HECW1: variants seen among roughly 807,000 people sequenced by gnomAD.
The protein encoded by HECW1 is E3 ubiquitin-protein ligase HECW1.
HECW1 carries 61 observed loss-of-function variants against 182.3 expected under a neutral mutation model. The ratio of observed to expected loss-of-function variants is 0.33; its 90% CI spans 0.27 to 0.41. The LOEUF is 0.41. Ranked by LOEUF, HECW1 falls within the 10% of genes least tolerant of loss-of-function variation. The pLI is 1.00. For missense variants in HECW1, 1,739 were observed against 2,108.9 expected (o/e 0.82, Z 3.44); for synonymous variants, 859 against 832.6 (o/e 1.03, Z -0.55).
At chr7:43,467,613 G>A (rs955248162) in intron 15 of HECW1, among the ~76,000 whole-genome samples, 4 of 152,048 alleles carry the variant, frequency 2.6e-5, no homozygotes, top group Admixed American at 6.6e-5. Flanking sequence ...AGCTGAGGGG[G>A]TTAAGACACA....
At chr7:43,333,161 T>A (rs546237060) in intron 5 of HECW1, among the ~76,000 whole-genome samples, 5 of 152,336 alleles carry the variant, frequency 3.3e-5, no homozygotes, top group Non-Finnish European at 7.4e-5. Flanking sequence ...CTTACCTCCC[T>A]GGTATGATAG....
intron 2 of HECW1, among the ~76,000 whole-genome samples, chr7:43,169,238 CG>C (rs1791434355): frequency 1.3e-5 from 2 of 152,252 alleles, no homozygotes; most frequent in South Asian, 4.1e-4. Context: ...AGATGAGATC[CG>C]GAAGTTCAGG....
chr7:43,232,659 A>G (rs1256928921), intron 2 of HECW1, among the ~76,000 whole-genome samples: 1 of 152,166 alleles, frequency 6.6e-6, no homozygotes, highest in Non-Finnish European at 1.5e-5. Flanking sequence ...GGGATGGTGA[A>G]ACTCATGATA....
intron 3 of HECW1, among the ~76,000 whole-genome samples, chr7:43,308,078 A>T (rs1219573116): frequency 1.4e-4 from 15 of 108,154 alleles, no homozygotes; most frequent in East Asian, 2.2e-4. Flanking sequence ...TATAAATATA[A>T]TATATTATAT....
Position 43,494,625 on chromosome 7 carries a change from T to A in HECW1, c.3437+1445T>A, listed in dbSNP as rs567914140. Among the ~76,000 whole-genome samples the A allele has an allele frequency of 1.2e-3, 186 of 152,124 alleles. 1 individual carries two copies. The highest frequency in any genetic ancestry group is 2.2e-3 in the Non-Finnish European group (149 of 67,988). On this transcript the variant is annotated intron_variant, in intron 19 of 29. Transcript: ENST00000395891. ...TTCAAGCAATTCCTGAGCCTCAACC[T>A]GACAAGTAACTGGGACTACAGGCAT...
At chr7:43,189,033 TCTTACA>T (rs1793658366) in intron 2 of HECW1, among the ~76,000 whole-genome samples, 1 of 152,220 alleles carries the variant, frequency 6.6e-6, no homozygotes, top group African/African-American at 2.4e-5. Context: ...ACTCGGCTAA[TCTTACA>T]CTCGTTCGCT....
rs1457053346 is a variant in HECW1, at chr7:43,426,958, T to C, written c.802-11045T>C. ...TATATAGAGAGAACAACCATAGTTT[T>C]TTTATATCTCTACTATCTCTTTTTA... On this transcript the variant is annotated intron_variant, in intron 8 of 29. Transcript: ENST00000395891. 2.6e-5 allele frequency among the ~76,000 whole-genome samples: 4 copies of C among 152,286 alleles called. No homozygotes were observed. In the East Asian group the frequency reaches 7.7e-4, roughly 29 times the overall value.
intron 9 of HECW1, among the ~76,000 whole-genome samples, chr7:43,442,041 T>G (rs948963313): frequency 2.0e-5 from 3 of 152,220 alleles, no homozygotes; most frequent in African/African-American, 7.2e-5. Context: ...ACACGATACT[T>G]TCGTGAAGCT....
At chr7:43,225,279 T>C (rs1797326563) in intron 2 of HECW1, among the ~76,000 whole-genome samples, 1 of 151,454 alleles carries the variant, frequency 6.6e-6, no homozygotes, top group Non-Finnish European at 1.5e-5. Flanking sequence ...CTGGAAAGAG[T>C]GTAAAAATAG....
In HECW1 at chr7:43,306,784, TA is replaced by T. The variant is rs1000118457; in HGVS notation, c.28-4969del. Among the ~76,000 whole-genome samples the T allele has an allele frequency of 7.7e-3, 1,149 of 150,184 alleles. 18 individuals are homozygous for T. Among genetic ancestry groups the T allele is most frequent in the African/African-American group, 0.026 (1,064 of 41,030 alleles). On this transcript the variant is annotated intron_variant, in intron 3 of 29. Transcript: ENST00000395891. ...GCAGAATCTTTTGTCTCCAGGTTCT[TA>T]AAAAAAAAATCCATGCATAATAACA...
chr7:43,140,124 A>ATT (rs57771277), intron 2 of HECW1, among the ~76,000 whole-genome samples: 2 of 151,876 alleles, frequency 1.3e-5, no homozygotes, highest in African/African-American at 2.4e-5. Flanking sequence ...TTTGTTTCAT[A>ATT]TTTTTTCCCC....
Position 43,209,894 on chromosome 7 carries a change from C to T in HECW1, c.-31-33981C>T, listed in dbSNP as rs528093863. On this transcript the variant is annotated intron_variant, in intron 2 of 29. Transcript: ENST00000395891. ...TGGCGTTCACCCCGAGGTCATCTGC[C>T]GTGCCCAGTCCCACAGCATCTCTAC... is the stretch of plus-strand genomic sequence containing the variant. 6.6e-5 allele frequency among the ~76,000 whole-genome samples: 10 copies of T among 152,214 alleles called. No individual in the cohort carries two copies. The South Asian group carries it at 1.0e-3, about 16-fold the overall frequency.
chr7:43,483,767 T>A (rs899994526), intron 17 of HECW1, among the ~76,000 whole-genome samples: 2 of 152,066 alleles, frequency 1.3e-5, no homozygotes, highest in African/African-American at 4.8e-5. Flanking sequence ...CAGACTGGTC[T>A]CGAACTCTTG....
At chr7:43,285,019 G>A (rs982357961) in intron 3 of HECW1, among the ~76,000 whole-genome samples, 1 of 142,228 alleles carries the variant, frequency 7.0e-6, no homozygotes, top group Non-Finnish European at 1.5e-5. Flanking sequence ...TTTGCTTTAA[G>A]GTTCTCATAT....
Position 43,243,928 on chromosome 7 carries a change from T to G in HECW1, c.23T>G (p.Val8Gly). Residue 8 changes from valine (V) to glycine (G), a missense_variant, in exon 3 of 30, where the codon GTG becomes GGG. By Grantham distance (109) the Val-to-Gly change is moderately radical (BLOSUM62 -3). This residue lies in a region of HECW1 where 279 missense variants were observed against 353.1 expected (regional missense o/e 0.79). Transcript: ENST00000395891. The surrounding 1 kb of genome is among the most constrained non-coding windows in gnomAD (Gnocchi z 4.0). ...ATTATGCTGCTGCACCTGTGTAGTG[T>G]GAAGGTCAGTGTGCTTTTCTGATTA... MLLHLCS[V>G]KNLYQNRFLG... 6.2e-7 allele frequency: 1 copy of G among 1,608,720 alleles called. No homozygotes were observed.
Position 43,131,037 on chromosome 7 carries a change from G to A in HECW1, c.-32+16646G>A, listed in dbSNP as rs149156116. On this transcript the variant is annotated intron_variant, in intron 2 of 29. Transcript: ENST00000395891. Reference sequence around the variant, plus strand: ...TCCTAACACTTTGGGAGGCCAAGGCGGGTGAATCACTGGAGGTCAGGAGTT... The same window carrying A: ...TCCTAACACTTTGGGAGGCCAAGGCAGGTGAATCACTGGAGGTCAGGAGTT... Among the ~76,000 whole-genome samples, 690 of 152,210 alleles carry A rather than the reference G, an allele frequency of 4.5e-3. 4 individuals carry two copies. Among genetic ancestry groups the A allele is most frequent in the African/African-American group, 0.016 (655 of 41,538 alleles).
chr7:43,236,126 G>A (rs375605797), intron 2 of HECW1, among the ~76,000 whole-genome samples: 1 of 152,144 alleles, frequency 6.6e-6, no homozygotes, highest in Non-Finnish European at 1.5e-5. Context: ...GCACTAGTCC[G>A]TGTATATACA....
intron 4 of HECW1, among the ~76,000 whole-genome samples, chr7:43,318,342 G>C (rs889487858): frequency 6.6e-6 from 1 of 152,220 alleles, no homozygotes; most frequent in Non-Finnish European, 1.5e-5. Context: ...GGCAATTACT[G>C]TAAAAGATGT....
At chr7:43,463,925 G>T (rs2077671881) in intron 14 of HECW1, 126 bp downstream of exon 14, 2 of 1,089,748 alleles carry the variant, frequency 1.8e-6, no homozygotes, top group Non-Finnish European at 2.6e-6. Context: ...GGAAGTCCAG[G>T]GTGGAGGACA....
Sources: allele counts gnomAD v4.1 joint callset (sites outside exome capture counted in the v4.1 genomes callset), GRCh38; gene constraint gnomAD v4.1.1; regional missense constraint gnomAD v4.1.1; non-coding constraint Gnocchi (gnomAD v3.1); transcripts MANE v1.5; gene names NCBI Gene and HGNC (gene_info 2026-07-23, HGNC 2026-07-21).